Variants in AGO1 observed in about 807,000 individuals in gnomAD.
AGO1 encodes the protein argonaute RISC component 1, also known as protein argonaute-1.
In AGO1, 11 loss-of-function variants were observed where a neutral mutation model predicts 109.2. That is an observed-to-expected ratio of 0.10 (90% confidence interval 0.06 to 0.17). The LOEUF is 0.17. AGO1 is among the 10% of genes least tolerant of loss of function. AGO1 has a pLI of 1.00. For missense variants in AGO1, 574 were observed against 1,140.3 expected (o/e 0.50, Z 7.15); for synonymous variants, 422 against 418.6 (o/e 1.01, Z -0.10).
At chr1:35,902,596 T>C (rs1016204975) in intron 11 of AGO1, among the ~76,000 whole-genome samples, 1 of 152,244 alleles carries the variant, frequency 6.6e-6, no homozygotes, top group Non-Finnish European at 1.5e-5. Context: ...ATTATTGTTA[T>C]AATTATTATC....
chr1:35,916,852 A>G (rs979474352), intron 15 of AGO1, among the ~76,000 whole-genome samples: 7 of 152,222 alleles, frequency 4.6e-5, no homozygotes, highest in African/African-American at 1.7e-4. Context: ...TTAATTGTCT[A>G]TCGTAGTCTT....
intron 8 of AGO1, among the ~76,000 whole-genome samples, chr1:35,896,090 C>T (rs972353047): frequency 6.6e-5 from 10 of 152,058 alleles, no homozygotes; most frequent in Non-Finnish European, 4.4e-5. Flanking sequence ...ACCTCTGCCT[C>T]CCGGGTTCAA....
chr1:35,895,122 A>G lies in AGO1; in HGVS notation c.873A>G (p.Thr291=), dbSNP rs753991581. Residue 291 remains threonine (T), a splice_region_variant and synonymous_variant, in exon 8 of 19, where the codon ACA becomes ACG. Transcript: ENST00000373204. The stretch of plus-strand genomic sequence containing the variant: ...CCCTTCCTTCCCTTCTTCTGAACAG[A>G]TTCCCCTTACAGCTGGAGAGTGGAC... ...NVTRRPASHQ[T]FPLQLESGQT... 9.3e-6 allele frequency: 15 copies of G among 1,609,168 alleles called. No individual in the cohort carries two copies. Among genetic ancestry groups the G allele is most frequent in the East Asian group, 4.5e-5 (2 of 44,228 alleles).
In AGO1 at chr1:35,902,335, C is replaced by A; in HGVS notation, c.1395C>A (p.Leu465=). The A allele has an allele frequency of 6.2e-7, 1 of 1,613,590 alleles. No homozygotes were observed. Among genetic ancestry groups the A allele is most frequent in the South Asian group, 1.1e-5 (1 of 90,926 alleles). Residue 465 remains leucine (L), a splice_region_variant and synonymous_variant, in exon 11 of 19, where the codon CTC becomes CTA. Transcript: ENST00000373204. ...APQKQCREEV[L]KNFTDQLRKI... ...AAAAACAGTGTCGAGAAGAGGTGCTCAAGTAAGGAGGGTTCGCTGTAGGGG... is the reference window on the plus strand; with the variant it reads ...AAAAACAGTGTCGAGAAGAGGTGCTAAAGTAAGGAGGGTTCGCTGTAGGGG...
chr1:35,917,765 G>A (rs2148725260), intron 16 of AGO1, 38 bp downstream of exon 16: 1 of 1,601,826 alleles, frequency 6.2e-7, no homozygotes, highest in Admixed American at 1.7e-5. Flanking sequence ...CCCTCCTTCT[G>A]TCTCCCTTAT....
Position 35,922,231 on chromosome 1 carries a change from C to G in AGO1, c.*2624C>G, listed in dbSNP as rs1190613951. The stretch of plus-strand genomic sequence containing the variant: ...GCCCTTTGACGTGGCTTATGCCATT[C>G]AAGAAATAAAAAGCAAGAGAATCAG... On this transcript the variant is annotated 3_prime_UTR_variant, in exon 19 of 19. Coordinates refer to ENST00000373204, the MANE Select transcript of AGO1 (RefSeq NM_012199.5). The G allele has an allele frequency of 6.6e-6, 1 of 152,600 alleles. No individual in the cohort carries two copies. Among genetic ancestry groups the G allele is most frequent in the African/African-American group, 2.4e-5 (1 of 41,440 alleles). 9.5% of individuals were successfully genotyped at this position (152,600 alleles called of 1,614,324 possible).
intron 8 of AGO1, among the ~76,000 whole-genome samples, chr1:35,897,689 G>A (rs12732538): frequency 1.8e-3 from 276 of 152,092 alleles, no homozygotes; most frequent in Admixed American, 4.8e-3. Flanking sequence ...TGATTGTGCC[G>A]CTGGATTCTA....
chr1:35,898,395 T>A (rs1645358084), intron 8 of AGO1, among the ~76,000 whole-genome samples: 1 of 151,992 alleles, frequency 6.6e-6, no homozygotes, highest in Admixed American at 6.6e-5. Flanking sequence ...TAGCTGGGAA[T>A]GCAGGCGCCG....
In AGO1 at chr1:35,930,064, C is replaced by T. The variant is rs546552052; in HGVS notation, c.*10457C>T. The stretch of plus-strand genomic sequence containing the variant: ...CATGGGGAGAAATTATGAATGATTC[C>T]TCAGCCTGAATAAAATAGTATGTTT... On this transcript the variant is annotated 3_prime_UTR_variant, in exon 19 of 19. Transcript: ENST00000373204. The T allele has an allele frequency of 2.0e-5, 3 of 152,170 alleles. No homozygotes were observed. The East Asian group carries it at 5.8e-4, about 29-fold the overall frequency. 9.4% of individuals were successfully genotyped at this position (152,170 alleles called of 1,614,324 possible).
intron 11 of AGO1, among the ~76,000 whole-genome samples, chr1:35,902,754 G>A (rs1645442671): frequency 1.3e-5 from 2 of 152,192 alleles, no homozygotes; most frequent in African/African-American, 4.8e-5. Context: ...AAGAGGTTAA[G>A]TAACTTGTCC....
chr1:35,876,021 T>G (rs1644989522), intron 1 of AGO1, among the ~76,000 whole-genome samples: 1 of 152,196 alleles, frequency 6.6e-6, no homozygotes, highest in Non-Finnish European at 1.5e-5. Context: ...TAGATGCCAT[T>G]AAGAACATTC....
At chr1:35,873,079 T>C (rs888249583) in intron 1 of AGO1, among the ~76,000 whole-genome samples, 1 of 151,708 alleles carries the variant, frequency 6.6e-6, no homozygotes, top group African/African-American at 2.4e-5. Flanking sequence ...TATTGGAGTA[T>C]TACTGTCTAT....
At chr1:35,896,777 A>C (rs1408067369) in intron 8 of AGO1, among the ~76,000 whole-genome samples, 1 of 152,216 alleles carries the variant, frequency 6.6e-6, no homozygotes, top group Non-Finnish European at 1.5e-5. Flanking sequence ...GGGAGAAGAG[A>C]TCCCCAAAAC....
At chr1:35,907,191 A>T in intron 12 of AGO1, 72 bp downstream of exon 12, 1 of 1,402,416 alleles carries the variant, frequency 7.1e-7, no homozygotes, top group Non-Finnish European at 9.5e-7. Flanking sequence ...GTCTCCTGGG[A>T]AGGACTCAGT....
intron 2 of AGO1, among the ~76,000 whole-genome samples, chr1:35,891,705 T>C (rs1248623252): frequency 1.3e-5 from 2 of 151,920 alleles, no homozygotes; most frequent in African/African-American, 4.8e-5. Flanking sequence ...GCTGGGACTG[T>C]AGGCACACAC....
At chr1:35,911,486 C>A (rs913920694) in intron 12 of AGO1, among the ~76,000 whole-genome samples, 9 of 152,082 alleles carry the variant, frequency 5.9e-5, no homozygotes, top group Non-Finnish European at 1.3e-4. Flanking sequence ...AGATAGCTCA[C>A]CTCTGAGATT....
At chr1:35,876,279 T>G (rs1304677866) in intron 1 of AGO1, among the ~76,000 whole-genome samples, 1 of 151,878 alleles carries the variant, frequency 6.6e-6, no homozygotes, top group East Asian at 1.9e-4. Flanking sequence ...TTGTTTTTTT[T>G]TTTTTGAGAC....
rs1450839608 is a variant in AGO1, at chr1:35,893,697, T to C, written c.536T>C (p.Phe179Ser). The change falls in exon 5 of 19, where the codon TTC becomes TCC. Residue 179 changes from phenylalanine to serine, a missense_variant. By Grantham distance (155) the Phe-to-Ser change is radical. This residue lies in a region of AGO1 where 129 missense variants were observed against 243.0 expected (regional missense o/e 0.53). Transcript: ENST00000373204. The surrounding 1 kb of genome is among the most constrained non-coding windows in gnomAD (Gnocchi z 5.6). ...AGGTACACCCCTGTGGGCCGCTCCT[T>C]CTTCTCACCGCCTGAGGGCTACTAC... is the stretch of plus-strand genomic sequence containing the variant. ...SMRYTPVGRS[F>S]FSPPEGYYHP... 1 of 1,613,694 alleles carries C rather than the reference T, an allele frequency of 6.2e-7. No individual in the cohort carries two copies. Among genetic ancestry groups the C allele is most frequent in the Non-Finnish European group, 8.5e-7 (1 of 1,179,838 alleles).
chr1:35,901,712 A>G lies in AGO1; in HGVS notation c.1140+119A>G, dbSNP rs1034376527. On this transcript the variant is annotated intron_variant, in intron 9 of 18. Transcript: ENST00000373204. This position sits in a 1 kb window ranked among gnomAD's most constrained non-coding sequence, Gnocchi z 4.8. ...GTCTAGATTTGTTGCCTAGGACTGT[A>G]TAAGGCTGCTTTTGCTTCTTGACCG... 1.3e-6 allele frequency: 2 copies of G among 1,492,134 alleles called. No individual in the cohort carries two copies. Among genetic ancestry groups the G allele is most frequent in the African/African-American group, 2.8e-5 (2 of 71,262 alleles). 92.4% of individuals were successfully genotyped at this position (1,492,134 alleles called of 1,614,324 possible).
Sources: gnomAD v4.1 joint callset for allele counts (sites outside exome capture counted in the v4.1 genomes callset) on GRCh38, gnomAD v4.1.1 for gene constraint, gnomAD v4.1.1 regional missense constraint, Gnocchi (gnomAD v3.1) non-coding constraint, MANE v1.5 for transcripts, NCBI Gene and HGNC (gene_info 2026-07-23, HGNC 2026-07-21) for gene names.